Variants in ZNF33A observed in about 807,000 individuals in gnomAD.
ZNF33A encodes brain my041 protein.
A neutral mutation model predicts 15.9 loss-of-function variants in ZNF33A; 9 were observed. The observed-to-expected ratio is 0.57, with a 90% confidence interval of 0.34 to 0.99. The LOEUF (loss-of-function observed/expected upper bound fraction) is 0.99, where lower values mean the gene tolerates loss of function less well. Among genes scored for constraint, ZNF33A ranks in the 50% least tolerant of loss-of-function variants. The probability of loss-of-function intolerance (pLI) is 0.02; values close to 1 mark genes in which losing one functional copy is unlikely to be tolerated. For synonymous variants in ZNF33A, 294 were observed against 324.2 expected (o/e 0.91, Z 1.00); for missense variants, 843 against 941.6 (o/e 0.90, Z 1.37).
chr10:38,029,386 C>A (rs1359106280), intron 4 of ZNF33A, among the ~76,000 whole-genome samples: 1 of 152,106 alleles, frequency 6.6e-6, no homozygotes, highest in Non-Finnish European at 1.5e-5. Flanking sequence ...TGTCTTCAGG[C>A]CTTCAATTGA....
In ZNF33A at chr10:38,058,068, A is replaced by G. The variant is rs188998071; in HGVS notation, c.*1508A>G. 1.0e-6 allele frequency: 1 copy of G among 983,336 alleles called. No homozygotes were observed. The highest frequency in any genetic ancestry group is 1.1e-4 in the East Asian group (1 of 8,796). The allele number at this position is 983,336 out of a possible 1,614,324, so 60.9% of individuals were successfully genotyped here. ...TTATACAGTCTAGTGATCCTAGATT[A>G]CACAAGTAATCTAAGCTTCCACTTT... On this transcript the variant is annotated 3_prime_UTR_variant, in exon 5 of 5. Coordinates refer to ENST00000432900, the MANE Select transcript of ZNF33A (RefSeq NM_006954.2).
At position 38,057,017 on chromosome 10, in the gene ZNF33A, T is replaced by C. The variant is rs931411031; in HGVS notation, c.*457T>C. 16 of 738,710 alleles carry C rather than the reference T, an allele frequency of 2.2e-5. No individual in the cohort carries two copies. In the African/African-American group the frequency reaches 3.0e-4, roughly 14 times the overall value. The allele number at this position is 738,710 out of a possible 1,614,324, so 45.8% of individuals were successfully genotyped here. On this transcript the variant is annotated 3_prime_UTR_variant, in exon 5 of 5. Coordinates refer to ENST00000432900, the MANE Select transcript of ZNF33A (RefSeq NM_006954.2). ...TTCACCAAACTTCCTCTAAGGATAA[T>C]GTATAATCATAGTATATGGTCAAGT...
chr10:38,013,276 A>G (rs2064283420), intron 2 of ZNF33A, among the ~76,000 whole-genome samples: 1 of 151,660 alleles, frequency 6.6e-6, no homozygotes, highest in African/African-American at 2.4e-5. Context: ...ACACCTGGCT[A>G]ATTTTTGTAT....
intron 2 of ZNF33A, among the ~76,000 whole-genome samples, chr10:38,013,181 G>A (rs1180015414): frequency 1.4e-5 from 2 of 144,092 alleles, no homozygotes; most frequent in Middle Eastern, 3.4e-3. Context: ...CGCGATCTTG[G>A]CTCACTGAAA....
Position 38,058,235 on chromosome 10 carries a change from T to A in ZNF33A, c.*1675T>A. The stretch of plus-strand genomic sequence containing the variant: ...AAGGTCAGTAAAATTGATAAACCTC[T>A]AGCTAGCTTAAGAACAAACAGAAGA... On this transcript the variant is annotated 3_prime_UTR_variant, in exon 5 of 5. Coordinates refer to ENST00000432900, the MANE Select transcript of ZNF33A (RefSeq NM_006954.2). The A allele has an allele frequency of 5.2e-6, 1 of 193,398 alleles. No homozygotes were observed. The highest frequency in any genetic ancestry group is 9.4e-6 in the Non-Finnish European group (1 of 105,880). The allele number at this position is 193,398 out of a possible 1,614,324, so 12.0% of individuals were successfully genotyped here. A position where few individuals can be genotyped will look rare whatever the true frequency, so the allele number is the denominator to read the frequency against.
chr10:38,017,790 T>C (rs1183612595), intron 4 of ZNF33A: 1 of 170,260 alleles, frequency 5.9e-6, no homozygotes, highest in East Asian at 1.7e-4. Context: ...ACTTGCTGTG[T>C]GCTGAGGATA....
intron 4 of ZNF33A, among the ~76,000 whole-genome samples, chr10:38,051,172 A>T (rs1401249895): frequency 6.6e-6 from 1 of 152,218 alleles, no homozygotes; most frequent in Non-Finnish European, 1.5e-5. Context: ...TACAAGATGT[A>T]GGAAATGTCA....
intron 4 of ZNF33A, among the ~76,000 whole-genome samples, chr10:38,035,257 A>G (rs1180270419): frequency 6.6e-6 from 1 of 151,466 alleles, no homozygotes; most frequent in Non-Finnish European, 1.5e-5. Flanking sequence ...AGCCGGGACT[A>G]CAGGTGCATA....
Position 38,027,409 on chromosome 10 carries a change from A to G in ZNF33A, c.250+10023A>G, listed in dbSNP as rs563944976. On this transcript the variant is annotated intron_variant, in intron 4 of 4. Coordinates refer to ENST00000432900, the MANE Select transcript of ZNF33A (RefSeq NM_006954.2). Reference sequence around the variant, plus strand: ...CTCACTCTTGCCCAGGCTGTAGTGCAGTGGTACAATTACGGCTCACTGCAG... The same window carrying G: ...CTCACTCTTGCCCAGGCTGTAGTGCGGTGGTACAATTACGGCTCACTGCAG... 3.9e-5 allele frequency among the ~76,000 whole-genome samples: 6 copies of G among 152,036 alleles called. No homozygotes were observed. In the East Asian group the frequency reaches 1.2e-3, roughly 29 times the overall value.
intron 4 of ZNF33A, among the ~76,000 whole-genome samples, chr10:38,042,139 G>A (rs141742501): frequency 2.6e-5 from 4 of 151,188 alleles, no homozygotes; most frequent in Non-Finnish European, 4.4e-5. Flanking sequence ...TGGATTCAGA[G>A]TTACCATCTA....
chr10:38,025,576 C>T (rs554446766), intron 4 of ZNF33A, among the ~76,000 whole-genome samples: 2 of 152,366 alleles, frequency 1.3e-5, no homozygotes, highest in East Asian at 3.9e-4. Flanking sequence ...TCACCAGGCC[C>T]TGGCCATGCT....
chr10:38,028,388 A>G (rs915202676), intron 4 of ZNF33A, among the ~76,000 whole-genome samples: 1 of 152,126 alleles, frequency 6.6e-6, no homozygotes, highest in African/African-American at 2.4e-5. Context: ...TGCTTCTGCC[A>G]TACTGCATTT....
intron 4 of ZNF33A, among the ~76,000 whole-genome samples, chr10:38,025,852 G>GTA (rs2064964191): frequency 6.6e-6 from 1 of 152,188 alleles, no homozygotes; most frequent in South Asian, 2.1e-4. Context: ...TCACAATGTT[G>GTA]TATAGCCATT....
chr10:38,046,554 A>C (rs2065955060), intron 4 of ZNF33A, among the ~76,000 whole-genome samples: 1 of 152,198 alleles, frequency 6.6e-6, no homozygotes, highest in Non-Finnish European at 1.5e-5. Flanking sequence ...AAAGCACAAA[A>C]ATACTTATAG....
rs533112980 is a variant in ZNF33A, at chr10:38,058,656, A to G, written c.*2096A>G. 1 of 152,258 alleles carries G rather than the reference A, an allele frequency of 6.6e-6. No homozygotes were observed. The highest frequency in any genetic ancestry group is 1.5e-5 in the Non-Finnish European group (1 of 68,084). 9.4% of individuals were successfully genotyped at this position (152,258 alleles called of 1,614,324 possible). ...CATGGTGGCATGCGTGTGTAGTCGA[A>G]GCTACTCAGGAGGCTGAGGCAGAAG... On this transcript the variant is annotated 3_prime_UTR_variant, in exon 5 of 5. Transcript: ENST00000432900.
intron 4 of ZNF33A, among the ~76,000 whole-genome samples, chr10:38,022,845 A>T (rs1246327700): frequency 6.6e-6 from 1 of 152,178 alleles, no homozygotes; most frequent in African/African-American, 2.4e-5. Context: ...ATTTCCAAGT[A>T]CAAGAGAGTT....
At chr10:38,064,199 A>G (rs2066688587), downstream of ZNF33A, 5 of 1,344,504 alleles carry the variant, frequency 3.7e-6, no homozygotes, top group Middle Eastern at 3.7e-4. Flanking sequence ...CCTTCTTCCA[A>G]ACTACCTTCC....
chr10:38,011,244 T>C (rs932908136), intron 1 of ZNF33A, among the ~76,000 whole-genome samples: 4 of 152,218 alleles, frequency 2.6e-5, no homozygotes, highest in Admixed American at 6.5e-5. Flanking sequence ...GTATTTGCTG[T>C]TCCTCTGTCC....
chr10:38,015,902 C>T lies in ZNF33A; in HGVS notation c.10-969C>T, dbSNP rs543319350. 53 of 942,736 alleles carry T rather than the reference C, an allele frequency of 5.6e-5. No homozygotes were observed. In the South Asian group the frequency reaches 5.9e-4, roughly 11 times the overall value. 58.4% of individuals were successfully genotyped at this position (942,736 alleles called of 1,614,324 possible). A position where few individuals can be genotyped will look rare whatever the true frequency, so the allele number is the denominator to read the frequency against. ...TTCTCAGTAGAATTGGTTCTGTAAA[C>T]GAAACCTGGTCCTGTAATTTCAGTA... On this transcript the variant is annotated intron_variant, in intron 2 of 4. Coordinates refer to ENST00000432900, the MANE Select transcript of ZNF33A (RefSeq NM_006954.2).
Sources: gnomAD v4.1 joint callset for allele counts (sites outside exome capture counted in the v4.1 genomes callset) on GRCh38, gnomAD v4.1.1 for gene constraint, MANE v1.5 for transcripts, NCBI Gene and HGNC (gene_info 2026-07-23, HGNC 2026-07-21) for gene names.